ELP4: variants seen among roughly 807,000 people sequenced by gnomAD.
ELP4 encodes elongator complex protein 4.
ELP4 carries 51 observed loss-of-function variants against 48.9 expected under a neutral mutation model. The ratio of observed to expected loss-of-function variants is 1.04; its 90% CI spans 0.83 to 1.32. The LOEUF (loss-of-function observed/expected upper bound fraction) is 1.32, where lower values mean the gene tolerates loss of function less well. ELP4 is among the 40% of genes most tolerant of loss of function. The pLI is 0.00. For missense variants in ELP4, 519 were observed against 514.6 expected (o/e 1.01, Z -0.08); for synonymous variants, 210 against 189.2 (o/e 1.11, Z -0.90).
intron 9 of ELP4, among the ~76,000 whole-genome samples, chr11:31,758,531 G>A (rs1947878433): frequency 6.6e-6 from 1 of 152,090 alleles, no homozygotes; most frequent in South Asian, 2.1e-4. Flanking sequence ...AAAATTCTCT[G>A]CTTTTGCATT....
intron 9 of ELP4, among the ~76,000 whole-genome samples, chr11:31,713,983 G>C (rs1049787091): frequency 1.3e-5 from 2 of 152,246 alleles, no homozygotes; most frequent in East Asian, 3.9e-4. Flanking sequence ...GAGAAGGACA[G>C]TTTGTGCTGA....
intron 9 of ELP4, among the ~76,000 whole-genome samples, chr11:31,745,825 G>C (rs1244481880): frequency 6.6e-6 from 1 of 152,204 alleles, no homozygotes; most frequent in African/African-American, 2.4e-5. Flanking sequence ...CAGGACATAA[G>C]CATGGGCAAG....
intron 9 of ELP4, among the ~76,000 whole-genome samples, chr11:31,772,321 T>G (rs1948163393): frequency 6.6e-6 from 1 of 152,052 alleles, no homozygotes; most frequent in Non-Finnish European, 1.5e-5. Flanking sequence ...AGAGACTGTG[T>G]TTCACCATGT....
At chr11:31,527,263 A>G (rs1956310044) in intron 2 of ELP4, among the ~76,000 whole-genome samples, 1 of 152,148 alleles carries the variant, frequency 6.6e-6, no homozygotes, top group South Asian at 2.1e-4. Flanking sequence ...CTAGTGCTAC[A>G]TATTCTCCTG....
intron 9 of ELP4, among the ~76,000 whole-genome samples, chr11:31,679,055 A>G (rs1946000876): frequency 6.6e-6 from 1 of 152,204 alleles, no homozygotes; most frequent in African/African-American, 2.4e-5. Context: ...TTTGCCATCC[A>G]TCTGTCTTCT....
chr11:31,513,927 T>C (rs987407708), intron 1 of ELP4, among the ~76,000 whole-genome samples: 3 of 152,304 alleles, frequency 2.0e-5, no homozygotes, highest in African/African-American at 7.2e-5. Context: ...ATGTGAAATC[T>C]TGATGAAATT....
chr11:31,705,850 TTTTG>T (rs146221298), intron 9 of ELP4, among the ~76,000 whole-genome samples: 42,541 of 151,498 alleles, frequency 0.28, 6,671 homozygotes, highest in African/African-American at 0.43. Flanking sequence ...TTTTTTTAAA[TTTTG>T]TTTGTTTATT....
chr11:31,752,763 G>A (rs959115233), intron 9 of ELP4, among the ~76,000 whole-genome samples: 3 of 151,644 alleles, frequency 2.0e-5, no homozygotes, highest in African/African-American at 7.3e-5. Context: ...GAACCCGGGG[G>A]GCGGAGCTTG....
intron 9 of ELP4, among the ~76,000 whole-genome samples, chr11:31,729,545 C>T (rs1236943620): frequency 2.6e-5 from 4 of 152,112 alleles, no homozygotes; most frequent in Admixed American, 6.5e-5. Context: ...TGTTGTTAAA[C>T]GCTTCTAACA....
chr11:31,714,236 T>C (rs1946797382), intron 9 of ELP4, among the ~76,000 whole-genome samples: 1 of 152,214 alleles, frequency 6.6e-6, no homozygotes, highest in African/African-American at 2.4e-5. Context: ...AAAAATACCT[T>C]CTTTTTGTCC....
intron 5 of ELP4, among the ~76,000 whole-genome samples, chr11:31,625,432 TAAAG>T (rs1944721660): frequency 6.6e-6 from 1 of 151,828 alleles, no homozygotes; most frequent in Non-Finnish European, 1.5e-5. Context: ...GATGAATGAA[TAAAG>T]AAAATGTGGT....
intron 3 of ELP4, among the ~76,000 whole-genome samples, chr11:31,576,874 TA>T (rs1261333171): frequency 6.6e-6 from 1 of 151,886 alleles, no homozygotes; most frequent in Non-Finnish European, 1.5e-5. Flanking sequence ...ACATCACAAT[TA>T]AAAGAACTAG....
intron 5 of ELP4, among the ~76,000 whole-genome samples, chr11:31,609,415 G>A (rs1957933850): frequency 6.6e-6 from 1 of 152,164 alleles, no homozygotes; most frequent in African/African-American, 2.4e-5. Flanking sequence ...GATAAAATGG[G>A]TATTAAGAAC....
chr11:31,678,049 A>G (rs187422796), intron 9 of ELP4, among the ~76,000 whole-genome samples: 1 of 152,116 alleles, frequency 6.6e-6, no homozygotes, highest in East Asian at 1.9e-4. Flanking sequence ...ATGTCTGACA[A>G]CTATTGATCT....
intron 3 of ELP4, among the ~76,000 whole-genome samples, chr11:31,549,691 T>C (rs1430607838): frequency 2.6e-5 from 4 of 152,184 alleles, no homozygotes; most frequent in African/African-American, 9.7e-5. Context: ...TGTACACGTA[T>C]GTTTATTGCG....
intron 9 of ELP4, among the ~76,000 whole-genome samples, chr11:31,674,973 C>T (rs766740868): frequency 1.3e-5 from 2 of 152,002 alleles, no homozygotes; most frequent in Admixed American, 6.6e-5. Context: ...GTAAAGTGTG[C>T]GCATGTTTGT....
At chr11:31,735,730 T>C (rs1170457799) in intron 9 of ELP4, among the ~76,000 whole-genome samples, 1 of 152,106 alleles carries the variant, frequency 6.6e-6, no homozygotes, top group Non-Finnish European at 1.5e-5. Context: ...TCACAATTGC[T>C]TCAAAGAGAA....
At chr11:31,553,821 A>C (rs1156893994) in intron 3 of ELP4, among the ~76,000 whole-genome samples, 1 of 151,754 alleles carries the variant, frequency 6.6e-6, no homozygotes, top group Non-Finnish European at 1.5e-5. Context: ...TAATGTTTTA[A>C]AGCAGGGGCC....
At chr11:31,685,933 A>G (rs1235176804) in intron 9 of ELP4, among the ~76,000 whole-genome samples, 1 of 148,734 alleles carries the variant, frequency 6.7e-6, no homozygotes, top group Non-Finnish European at 1.5e-5. Context: ...TCCATCTTAA[A>G]AAAAAAAAAA....
Sources: allele counts gnomAD v4.1 joint callset (sites outside exome capture counted in the v4.1 genomes callset), GRCh38; gene constraint gnomAD v4.1.1; transcripts MANE v1.5; gene names NCBI Gene and HGNC (gene_info 2026-07-23, HGNC 2026-07-21).